The following ARHGEF1 variants were observed in gnomAD, a reference collection of about 807,000 sequenced individuals.
ARHGEF1 encodes the protein 115 kDa guanine nucleotide exchange factor.
Under a neutral mutation model 119.7 loss-of-function variants are expected in ARHGEF1, and 40 were observed. The ratio of observed to expected loss-of-function variants is 0.33; its 90% CI spans 0.26 to 0.44. ARHGEF1 has a LOEUF of 0.44. Ranked by LOEUF, ARHGEF1 falls within the 20% of genes least tolerant of loss-of-function variation. The probability of loss-of-function intolerance (pLI) is 1.00; values close to 1 mark genes in which losing one functional copy is unlikely to be tolerated. For missense variants in ARHGEF1, 976 were observed against 1,268.3 expected (o/e 0.77, Z 3.50); for synonymous variants, 494 against 521.0 (o/e 0.95, Z 0.71).
chr19:41,919,512 T>TACACACACACACAC (rs60525805), upstream of ARHGEF1, among the ~76,000 whole-genome samples: 1 of 146,592 alleles, frequency 6.8e-6, no homozygotes, highest in African/African-American at 2.5e-5. Context: ...CGTGCACGCG[T>TACACACACACACAC]ACACACACAC....
At position 41,903,419 on chromosome 19, in the gene ARHGEF1, C is replaced by G; in HGVS notation, c.1839+12C>G. On this transcript the variant is annotated intron_variant, in intron 19 of 28. Coordinates refer to ENST00000354532, the MANE Select transcript of ARHGEF1 (RefSeq NM_004706.4). The surrounding 1 kb of genome is among the most constrained non-coding windows in gnomAD (Gnocchi z 4.2). ...TGGAGGACCTGCTGGTGAGCCTGGG[C>G]TGGCCCCACACCCGGGACAGTGGAT... The G allele has an allele frequency of 1.2e-6, 2 of 1,612,876 alleles. No homozygotes were observed. Among genetic ancestry groups the G allele is most frequent in the Non-Finnish European group, 1.7e-6 (2 of 1,179,204 alleles).
intron 11 of ARHGEF1, among the ~76,000 whole-genome samples, 176 bp from the exon 12 acceptor site, chr19:41,895,173 G>A (rs1555847273): frequency 1.3e-5 from 2 of 151,586 alleles, no homozygotes; most frequent in Non-Finnish European, 1.5e-5. Context: ...AGGGGCTGGG[G>A]GCCTGGACTC....
At position 41,905,541 on chromosome 19, in the gene ARHGEF1, G is replaced by C; in HGVS notation, c.2337-219G>C. 4.9e-6 allele frequency: 3 copies of C among 616,914 alleles called. No individual in the cohort carries two copies. In the South Asian group the frequency reaches 5.9e-5, roughly 12 times the overall value. The allele number at this position is 616,914 out of a possible 1,614,324, so 38.2% of individuals were successfully genotyped here. On this transcript the variant is annotated intron_variant, in intron 24 of 28. Coordinates refer to ENST00000354532, the MANE Select transcript of ARHGEF1 (RefSeq NM_004706.4). The surrounding 1 kb of genome is among the most constrained non-coding windows in gnomAD (Gnocchi z 6.4). ...AGCATGTGCATGCATGTGTGTGTGT[G>C]TGCGCATGTGCCGACCCCACCACTG...
chr19:41,907,242 G>A lies in ARHGEF1; in HGVS notation c.*155G>A. On this transcript the variant is annotated 3_prime_UTR_variant, in exon 29 of 29. Transcript: ENST00000354532. ...CACGCCTGGGAGGGGCCCAGCTGGG[G>A]TTACTGGCCCCGCATGAGCCTCGGC... 6.6e-7 allele frequency: 1 copy of A among 1,521,276 alleles called. No individual in the cohort carries two copies. Among genetic ancestry groups the A allele is most frequent in the Non-Finnish European group, 8.8e-7 (1 of 1,138,918 alleles). 94.2% of individuals were successfully genotyped at this position (1,521,276 alleles called of 1,614,324 possible).
upstream of ARHGEF1, among the ~76,000 whole-genome samples, chr19:41,920,503 C>T (rs868938060): frequency 2.0e-5 from 3 of 151,166 alleles, no homozygotes; most frequent in Middle Eastern, 3.2e-3. Context: ...ACATGACGCA[C>T]TCAGACATGA....
intron 8 of ARHGEF1, 49 bp from the exon 9 acceptor site, chr19:41,894,158 G>T (rs1258561902): frequency 1.8e-6 from 2 of 1,097,490 alleles, no homozygotes; most frequent in Non-Finnish European, 1.3e-6. Context: ...GTGTGTGTGT[G>T]TGTGTGTGTC....
rs2074680661 is a variant in ARHGEF1 at position 41,905,608 on chromosome 19, G to A, written c.2337-152G>A. 1 of 768,820 alleles carries A rather than the reference G, an allele frequency of 1.3e-6. No homozygotes were observed. The highest frequency in any genetic ancestry group is 2.6e-5 in the Admixed American group (1 of 37,876). The allele number at this position is 768,820 out of a possible 1,614,324, so 47.6% of individuals were successfully genotyped here. A position where few individuals can be genotyped will look rare whatever the true frequency, so the allele number is the denominator to read the frequency against. The stretch of plus-strand genomic sequence containing the variant: ...TCTCCAGGCCTCTGTGTCTTCCATT[G>A]TCTGGGCCTCTCTGTCTCCCTGTCT... On this transcript the variant is annotated intron_variant, in intron 24 of 28. Transcript: ENST00000354532. This position sits in a 1 kb window ranked among gnomAD's most constrained non-coding sequence, Gnocchi z 6.4.
chr19:41,901,772 C>A, intron 14 of ARHGEF1, 115 bp from the exon 15 acceptor site: 1 of 1,333,414 alleles, frequency 7.5e-7, no homozygotes, highest in Non-Finnish European at 1.0e-6. Flanking sequence ...TTTTTCCCAC[C>A]AACTTCTAGG....
At chr19:41,896,791 C>CTCCTCTCTCACCTCCCCT (rs1555847788) in intron 13 of ARHGEF1, 7 of 488,578 alleles carry the variant, frequency 1.4e-5, no homozygotes, top group African/African-American at 9.9e-5. Flanking sequence ...TTTATTTCCC[C>CTCCTCTCTCACCTCCCCT]CTCCTCTCTC....
In ARHGEF1 at chr19:41,902,221, G is replaced by C. The variant is rs533024661; in HGVS notation, c.1415-53G>C. 20 of 1,606,502 alleles carry C rather than the reference G, an allele frequency of 1.2e-5. No homozygotes were observed. The Admixed American group carries it at 2.8e-4, about 23-fold the overall frequency. On this transcript the variant is annotated intron_variant, in intron 15 of 28. Coordinates refer to ENST00000354532, the MANE Select transcript of ARHGEF1 (RefSeq NM_004706.4). This position sits in a 1 kb window ranked among gnomAD's most constrained non-coding sequence, Gnocchi z 6.5. The stretch of plus-strand genomic sequence containing the variant: ...CCCCCACCACACCGCAGCAGGCCCC[G>C]CACAGCATCTTCCAGACCCTGGTGG...
downstream of ARHGEF1, among the ~76,000 whole-genome samples, chr19:41,911,328 C>T (rs2074750093): frequency 6.6e-6 from 1 of 152,234 alleles, no homozygotes; most frequent in African/African-American, 2.4e-5. Flanking sequence ...CTCAGAGACC[C>T]CAGACCCAGG....
In ARHGEF1 at chr19:41,903,029, C is replaced by T; in HGVS notation, c.1738+131C>T. On this transcript the variant is annotated intron_variant, in intron 18 of 28. Coordinates refer to ENST00000354532, the MANE Select transcript of ARHGEF1 (RefSeq NM_004706.4). The surrounding 1 kb of genome is among the most constrained non-coding windows in gnomAD (Gnocchi z 4.2). ...AACCTCCCAGGATCTACCATCCTCC[C>T]ACCTCAGCTCCCCAAGTAGCTGGGA... 1 of 782,582 alleles carries T rather than the reference C, an allele frequency of 1.3e-6. No homozygotes were observed. Among genetic ancestry groups the T allele is most frequent in the East Asian group, 2.7e-5 (1 of 37,056 alleles). The allele number at this position is 782,582 out of a possible 1,614,324, so 48.5% of individuals were successfully genotyped here.
At chr19:41,912,801 T>A in intron 18 of ARHGEF1, 1 of 320,800 alleles carries the variant, frequency 3.1e-6, no homozygotes, top group Non-Finnish European at 3.6e-6. Context: ...TGCGGCTCAC[T>A]GGGGAAGCCT....
intron 13 of ARHGEF1, 186 bp from the exon 14 acceptor site, chr19:41,898,256 G>A: frequency 2.3e-6 from 3 of 1,300,190 alleles, no homozygotes; most frequent in East Asian, 2.6e-5. Flanking sequence ...GAGGAGGAGG[G>A]GGTAGAATGC....
rs1167070957 is a variant in ARHGEF1 at position 41,906,001 on chromosome 19, C to T, written c.2467C>T (p.Leu823Phe). Residue 823 changes from leucine to phenylalanine, a missense_variant, in exon 26 of 29, where the codon CTC becomes TTC. Physicochemically the swap from Leu to Phe is conservative, Grantham distance 22. This residue lies in a region of ARHGEF1 where 171 missense variants were observed against 180.6 expected (regional missense o/e 0.95). Transcript: ENST00000354532. The surrounding 1 kb of genome is among the most constrained non-coding windows in gnomAD (Gnocchi z 4.5). Reference sequence around the variant, plus strand: ...CTGCAGACCAGGCCCCGAGGGCCAGCTCGCTGCCACGGCCCTTCGGAAAGG... The same window carrying T: ...CTGCAGACCAGGCCCCGAGGGCCAGTTCGCTGCCACGGCCCTTCGGAAAGG... ...PFCRPGPEGQLAATALRKVLS... is the reference protein window; with the variant it reads ...PFCRPGPEGQFAATALRKVLS... 6.2e-7 allele frequency: 1 copy of T among 1,614,090 alleles called. No individual in the cohort carries two copies. The highest frequency in any genetic ancestry group is 8.5e-7 in the Non-Finnish European group (1 of 1,180,014).
In ARHGEF1 at chr19:41,892,469, G is replaced by C; in HGVS notation, c.367+96G>C. The C allele has an allele frequency of 6.3e-7, 1 of 1,597,122 alleles. No homozygotes were observed. The highest frequency in any genetic ancestry group is 1.7e-4 in the Middle Eastern group (1 of 5,992). Reference sequence around the variant, plus strand: ...GAGGCCGCACTCCCATGCTCTGCTCGGACAGCCGAGATTCATTCATTCCTT... The same window carrying C: ...GAGGCCGCACTCCCATGCTCTGCTCCGACAGCCGAGATTCATTCATTCCTT... On this transcript the variant is annotated intron_variant, in intron 6 of 28. Coordinates refer to ENST00000354532, the MANE Select transcript of ARHGEF1 (RefSeq NM_004706.4). This position sits in a 1 kb window ranked among gnomAD's most constrained non-coding sequence, Gnocchi z 6.3.
At chr19:41,910,157 C>G, downstream of ARHGEF1, 1 of 1,508,830 alleles carries the variant, frequency 6.6e-7, no homozygotes, top group Non-Finnish European at 9.0e-7. This position sits in a 1 kb window ranked among gnomAD's most constrained non-coding sequence, Gnocchi z 4.4. Context: ...GGCTCTGGGT[C>G]CTGCTGGACT....
In ARHGEF1 at chr19:41,905,615, CCT is replaced by C; in HGVS notation, c.2337-140_2337-139del. The C allele has an allele frequency of 1.3e-6, 1 of 797,176 alleles. No individual in the cohort carries two copies. The highest frequency in any genetic ancestry group is 2.0e-6 in the Non-Finnish European group (1 of 504,168). 49.4% of individuals were successfully genotyped at this position (797,176 alleles called of 1,614,324 possible). A position where few individuals can be genotyped will look rare whatever the true frequency, so the allele number is the denominator to read the frequency against. On this transcript the variant is annotated intron_variant, in intron 24 of 28. Transcript: ENST00000354532. This position sits in a 1 kb window ranked among gnomAD's most constrained non-coding sequence, Gnocchi z 6.4. ...GCCTCTGTGTCTTCCATTGTCTGGG[CCT>C]CTCTGTCTCCCTGTCTCCCGGCCTC...
At chr19:41,918,446 C>T (rs1380747052), upstream of ARHGEF1, among the ~76,000 whole-genome samples, 2 of 144,610 alleles carry the variant, frequency 1.4e-5, no homozygotes, top group African/African-American at 5.3e-5. Context: ...ATAAATACAC[C>T]ACACATGCAC....
Sources: allele counts gnomAD v4.1 joint callset (sites outside exome capture counted in the v4.1 genomes callset), GRCh38; gene constraint gnomAD v4.1.1; regional missense constraint gnomAD v4.1.1; non-coding constraint Gnocchi (gnomAD v3.1); transcripts MANE v1.5; gene names NCBI Gene and HGNC (gene_info 2026-07-23, HGNC 2026-07-21).